Variants in IGSF10 observed in about 807,000 individuals in gnomAD.
IGSF10 encodes the protein calvaria mechanical force protein 608.
Under a neutral mutation model 128.2 loss-of-function variants are expected in IGSF10, and 126 were observed. The observed-to-expected ratio is 0.98, with a 90% CI of 0.85 to 1.14. IGSF10 has a LOEUF of 1.14. IGSF10 is among the 50% of genes most tolerant of loss of function. The probability of loss-of-function intolerance (pLI) is 0.00; values close to 1 mark genes in which losing one functional copy is unlikely to be tolerated. For missense variants in IGSF10, 3,295 were observed against 3,149.8 expected (o/e 1.05, Z -1.10); for synonymous variants, 1,185 against 1,146.2 (o/e 1.03, Z -0.68).
At chr3:151,458,870 T>C (rs1247927194) in intron 2 of IGSF10, among the ~76,000 whole-genome samples, 160 bp from the exon 3 acceptor site, 1 of 152,204 alleles carries the variant, frequency 6.6e-6, no homozygotes, top group Non-Finnish European at 1.5e-5. Context: ...TACAAAACTA[T>C]AGTGTGTGCT....
the IGSF10 span, among the ~76,000 whole-genome samples, chr3:151,604,903 A>G: frequency 0.19 from 28,365 of 152,136 alleles, 2,703 homozygotes; most frequent in Middle Eastern, 0.21. Flanking sequence ...ATCAATACAT[A>G]ACTTTGTTTT....
chr3:151,516,825 C>T, the IGSF10 span, among the ~76,000 whole-genome samples: 1 of 152,110 alleles, frequency 6.6e-6, no homozygotes, highest in South Asian at 2.1e-4. Flanking sequence ...TTTAAAATAC[C>T]ATTTTCTAAT....
At chr3:151,589,764 C>T in the IGSF10 span, among the ~76,000 whole-genome samples, 3 of 152,266 alleles carry the variant, frequency 2.0e-5, no homozygotes, top group East Asian at 5.8e-4. Context: ...AATGACTCTG[C>T]AGGGTGATTT....
At chr3:151,501,708 A>G in the IGSF10 span, among the ~76,000 whole-genome samples, 18 of 152,238 alleles carry the variant, frequency 1.2e-4, no homozygotes, top group African/African-American at 4.3e-4. Context: ...ATAGTCAACA[A>G]ATCTGTCTCA....
rs1721166698 is a variant in IGSF10, at chr3:151,446,019, G to T, written c.3962C>A (p.Thr1321Lys). 1 of 1,614,176 alleles carries T rather than the reference G, an allele frequency of 6.2e-7. No individual in the cohort carries two copies. The change falls in exon 6 of 8, where the codon ACA (threonine) becomes AAA (lysine). Residue 1321 changes from threonine to lysine, a missense_variant. Coordinates refer to ENST00000282466, the MANE Select transcript of IGSF10 (RefSeq NM_178822.5). ...IISTQTAIPA[T>K]TPTFPASVIT... is the part of the protein sequence containing the mutation. Reference sequence around the variant, plus strand: ...GACAGATGCAGGGAAGGTAGGAGTTGTTGCTGGTATTGCTGTTTGCGTTGA... The same window carrying T: ...GACAGATGCAGGGAAGGTAGGAGTTTTTGCTGGTATTGCTGTTTGCGTTGA...
chr3:151,454,838 A>G (rs1721700515), intron 4 of IGSF10, among the ~76,000 whole-genome samples: 1 of 151,970 alleles, frequency 6.6e-6, no homozygotes, highest in African/African-American at 2.4e-5. Flanking sequence ...TACTAAAAAT[A>G]CATATACACA....
upstream of IGSF10, among the ~76,000 whole-genome samples, chr3:151,463,523 G>GTTTTTTTTTTTTTGTT (rs1722144272): frequency 6.4e-5 from 2 of 31,290 alleles, no homozygotes; most frequent in South Asian, 1.3e-3. Context: ...ACATTTTCTG[G>GTTTTTTTTTTTTTGTT]TTTTTTTTTT....
chr3:151,519,260 C>A, the IGSF10 span, among the ~76,000 whole-genome samples: 6 of 151,904 alleles, frequency 3.9e-5, no homozygotes, highest in African/African-American at 1.4e-4. Flanking sequence ...CATTCAGCCA[C>A]CCAGAGGCAC....
chr3:151,449,443 C>T (rs181582991), intron 5 of IGSF10, among the ~76,000 whole-genome samples, 178 bp from the exon 6 acceptor site: 3 of 152,042 alleles, frequency 2.0e-5, no homozygotes, highest in Admixed American at 2.0e-4. Flanking sequence ...GTCTGTATAC[C>T]CTGCTACAAC....
upstream of IGSF10, among the ~76,000 whole-genome samples, chr3:151,463,523 G>GTTTTTTTTTTTTTGTTTTT (rs1722144272): frequency 3.2e-5 from 1 of 31,272 alleles, no homozygotes; most frequent in Non-Finnish European, 6.5e-5. Flanking sequence ...ACATTTTCTG[G>GTTTTTTTTTTTTTGTTTTT]TTTTTTTTTT....
the IGSF10 span, among the ~76,000 whole-genome samples, chr3:151,496,325 T>A: frequency 3.0e-4 from 45 of 150,710 alleles, no homozygotes; most frequent in East Asian, 2.0e-3. Context: ...ATTAGGTTTA[T>A]CTCCTAATGC....
Position 151,436,976 on chromosome 3 carries a change from G to T in IGSF10, c.7585C>A (p.Arg2529=). ...VPVMIVAYPP[R]ITNRPPRSIV... ...CTCCTGGGTGGACGATTTGTAATTC[G>T]GGGAGGGTAGGCTACAATCATTACT... Residue 2529 remains arginine, a synonymous_variant, in exon 8 of 8, where the codon CGA becomes AGA. Transcript: ENST00000282466. 6.2e-7 allele frequency: 1 copy of T among 1,614,210 alleles called. No individual in the cohort carries two copies. Among genetic ancestry groups the T allele is most frequent in the South Asian group, 1.1e-5 (1 of 91,074 alleles).
At chr3:151,481,970 T>G in the IGSF10 span, among the ~76,000 whole-genome samples, 1 of 152,124 alleles carries the variant, frequency 6.6e-6, no homozygotes, top group Non-Finnish European at 1.5e-5. Flanking sequence ...TGGAGATTAC[T>G]CCACTATATC....
Position 151,453,472 on chromosome 3 carries a change from A to G in IGSF10, c.627T>C (p.Pro209=), listed in dbSNP as rs771185611. 6.2e-7 allele frequency: 1 copy of G among 1,613,988 alleles called. No homozygotes were observed. Among genetic ancestry groups the G allele is most frequent in the Non-Finnish European group, 8.5e-7 (1 of 1,179,884 alleles). Residue 209 remains proline, a synonymous_variant, in exon 5 of 8, where the codon CCT becomes CCC. Transcript: ENST00000282466. ...SLPQEMVSYM[P]DLDSLYLHGN... is the part of the protein sequence containing the mutation. ...CATGCAGGTAAAGGCTGTCTAGGTC[A>G]GGCATATAGGAGACCATCTCTTGAG...
chr3:151,595,784 G>GGAAGGA, the IGSF10 span, among the ~76,000 whole-genome samples: 3 of 151,004 alleles, frequency 2.0e-5, no homozygotes, highest in African/African-American at 7.3e-5. Context: ...GGTTACTAGG[G>GGAAGGA]GAAGGAGAAG....
the IGSF10 span, among the ~76,000 whole-genome samples, chr3:151,475,638 G>A: frequency 6.6e-5 from 10 of 152,242 alleles, no homozygotes; most frequent in Admixed American, 1.3e-4. Flanking sequence ...TCTGATTTCT[G>A]CATGTCCTTT....
chr3:151,501,807 C>A, the IGSF10 span, among the ~76,000 whole-genome samples: 29 of 152,006 alleles, frequency 1.9e-4, no homozygotes, highest in Non-Finnish European at 2.5e-4. Flanking sequence ...CTTCCTTGAC[C>A]TTTTCAGATA....
At chr3:151,559,452 A>G in the IGSF10 span, among the ~76,000 whole-genome samples, 1 of 152,208 alleles carries the variant, frequency 6.6e-6, no homozygotes, top group Non-Finnish European at 1.5e-5. Context: ...AAAAATTGAT[A>G]TACTAGGAAA....
At chr3:151,575,700 C>T in the IGSF10 span, among the ~76,000 whole-genome samples, 24 of 152,316 alleles carry the variant, frequency 1.6e-4, no homozygotes, top group East Asian at 2.7e-3. Context: ...GATGCCCTAC[C>T]GTGCTTCGGC....
Sources: allele counts gnomAD v4.1 joint callset (sites outside exome capture counted in the v4.1 genomes callset), GRCh38; gene constraint gnomAD v4.1.1; transcripts MANE v1.5; gene names NCBI Gene and HGNC (gene_info 2026-07-23, HGNC 2026-07-21).